The following NELL1 variants were observed in gnomAD, a reference collection of about 807,000 sequenced individuals.
NELL1 encodes protein kinase C-binding protein NELL1.
Under a neutral mutation model 107.4 loss-of-function variants are expected in NELL1, and 76 were observed. That is an observed-to-expected ratio of 0.71 (90% CI 0.59 to 0.86). The LOEUF is 0.86. NELL1 is among the 40% of genes least tolerant of loss of function. The probability of loss-of-function intolerance (pLI) is 0.00; values close to 1 mark genes in which losing one functional copy is unlikely to be tolerated. For missense variants in NELL1, 1,024 were observed against 1,005.5 expected, an observed-to-expected ratio of 1.02 and a Z score of -0.25; for synonymous variants, 353 against 341.2, an observed-to-expected ratio of 1.03 and a Z score of -0.38.
intron 2 of NELL1, among the ~76,000 whole-genome samples, chr11:20,755,540 G>GTTTTTT (rs1463795241): frequency 5.2e-5 from 1 of 19,146 alleles, no homozygotes; most frequent in African/African-American, 9.7e-5. Context: ...GTGGGTTTTT[G>GTTTTTT]TTTTTTTTTG....
intron 14 of NELL1, among the ~76,000 whole-genome samples, chr11:21,252,518 A>G (rs1858666030): frequency 6.6e-6 from 1 of 152,122 alleles, no homozygotes; most frequent in Non-Finnish European, 1.5e-5. Flanking sequence ...TCATCTGAAA[A>G]ATTATGGCAT....
intron 14 of NELL1, among the ~76,000 whole-genome samples, chr11:21,289,406 G>T (rs538148410): frequency 6.6e-6 from 1 of 152,180 alleles, no homozygotes; most frequent in Non-Finnish European, 1.5e-5. Flanking sequence ...GGAAGTGCAA[G>T]GGGTCAGGGA....
chr11:20,767,229 G>C (rs1202855478), intron 2 of NELL1, among the ~76,000 whole-genome samples: 2 of 152,186 alleles, frequency 1.3e-5, no homozygotes, highest in African/African-American at 4.8e-5. Context: ...AGAGTGAGCA[G>C]CAGCAAGATT....
At chr11:21,059,344 C>T (rs1326767028) in intron 12 of NELL1, among the ~76,000 whole-genome samples, 1 of 151,486 alleles carries the variant, frequency 6.6e-6, no homozygotes, top group Admixed American at 6.6e-5. Context: ...ACATTTGCTG[C>T]CTTTGCTGAC....
Position 21,113,727 on chromosome 11 carries a change from A to C in NELL1, c.1426+13A>C, listed in dbSNP as rs919830001. On this transcript the variant is annotated intron_variant, in intron 13 of 19. Coordinates refer to ENST00000357134, the MANE Select transcript of NELL1 (RefSeq NM_006157.5). The stretch of plus-strand genomic sequence containing the variant: ...TTCTCTTGTACAGGTGAGCTTTAAG[A>C]AGCAGTGTTGTTTTTTTAATTCATC... 2 of 1,608,550 alleles carry C rather than the reference A, an allele frequency of 1.2e-6. No homozygotes were observed. The highest frequency in any genetic ancestry group is 1.3e-5 in the African/African-American group (1 of 74,626).
intron 5 of NELL1, among the ~76,000 whole-genome samples, chr11:20,910,476 C>G (rs140693605): frequency 1.3e-5 from 2 of 152,168 alleles, no homozygotes; most frequent in African/African-American, 2.4e-5. Flanking sequence ...TCTCCATTTC[C>G]GGCCCCGCAC....
chr11:20,674,625 G>A (rs1854005382), intron 1 of NELL1: 1 of 1,080,690 alleles, frequency 9.3e-7, no homozygotes, highest in African/African-American at 1.6e-5. Flanking sequence ...CTTGATAAAT[G>A]AATGCTTTTC....
At chr11:20,714,194 A>AAT (rs1855181446) in intron 2 of NELL1, among the ~76,000 whole-genome samples, 1 of 61,736 alleles carries the variant, frequency 1.6e-5, no homozygotes, top group East Asian at 5.9e-4. Flanking sequence ...TATCTCCCCG[A>AAT]TTTTTTTTTT....
chr11:21,439,152 T>A (rs1224808522), intron 15 of NELL1, among the ~76,000 whole-genome samples: 1 of 151,476 alleles, frequency 6.6e-6, no homozygotes, highest in African/African-American at 2.4e-5. Context: ...TATAGACAAG[T>A]CAACTAAAAA....
At chr11:21,204,065 G>A (rs1292272513) in intron 13 of NELL1, among the ~76,000 whole-genome samples, 1 of 151,988 alleles carries the variant, frequency 6.6e-6, no homozygotes, top group Non-Finnish European at 1.5e-5. Context: ...TTTCATCCTT[G>A]GTGAATCTGA....
chr11:21,194,668 G>A (rs1010276281), intron 13 of NELL1, among the ~76,000 whole-genome samples: 2 of 152,010 alleles, frequency 1.3e-5, no homozygotes, highest in Non-Finnish European at 1.5e-5. Context: ...AAGACCTACC[G>A]AATCAGCAAC....
chr11:21,220,176 A>G (rs1255811093), intron 13 of NELL1, among the ~76,000 whole-genome samples: 1 of 152,168 alleles, frequency 6.6e-6, no homozygotes. Context: ...CTGTAAATAC[A>G]TGAATTTATT....
At chr11:20,807,987 CT>C (rs1564917197) in intron 3 of NELL1, among the ~76,000 whole-genome samples, 2 of 152,012 alleles carry the variant, frequency 1.3e-5, no homozygotes, top group African/African-American at 4.8e-5. Context: ...GAAATGCCAT[CT>C]AAGAGCCACA....
At chr11:21,342,100 T>C (rs1037268661) in intron 14 of NELL1, among the ~76,000 whole-genome samples, 1 of 152,194 alleles carries the variant, frequency 6.6e-6, no homozygotes, top group African/African-American at 2.4e-5. Flanking sequence ...GTGGAGTGCC[T>C]ACAGAAAGCC....
At chr11:21,259,054 G>C (rs1210896477) in intron 14 of NELL1, among the ~76,000 whole-genome samples, 1 of 151,862 alleles carries the variant, frequency 6.6e-6, no homozygotes, top group African/African-American at 2.4e-5. Context: ...GGTAAATTTT[G>C]TCTTTGACAA....
intron 15 of NELL1, among the ~76,000 whole-genome samples, chr11:21,478,063 C>A (rs1182954534): frequency 6.6e-6 from 1 of 151,888 alleles, no homozygotes; most frequent in African/African-American, 2.4e-5. Flanking sequence ...TGACTCAGTT[C>A]CTCATTGCTG....
chr11:20,918,223 A>G lies in NELL1; in HGVS notation c.645A>G (p.Gly215=), dbSNP rs371477483. 3.1e-6 allele frequency: 5 copies of G among 1,597,984 alleles called. No individual in the cohort carries two copies. Among genetic ancestry groups the G allele is most frequent in the African/African-American group, 2.7e-5 (2 of 74,280 alleles). The stretch of plus-strand genomic sequence containing the variant: ...GGAAGATCATCTTTATGCCGAATGG[A>G]TATATAACACAGTGTCCAAATCTAA... The part of the protein sequence containing the change: ...QDGKIIFMPN[G]YITQCPNLNH... Residue 215 remains glycine (G), a synonymous_variant, in exon 6 of 20, where the codon GGA becomes GGG. Transcript: ENST00000357134.
intron 15 of NELL1, among the ~76,000 whole-genome samples, chr11:21,442,566 G>T (rs1333064892): frequency 6.6e-6 from 1 of 151,988 alleles, no homozygotes; most frequent in East Asian, 1.9e-4. Flanking sequence ...TTAAATTTAG[G>T]GGGCATTTAG....
chr11:20,707,079 T>C (rs950295450), intron 2 of NELL1, among the ~76,000 whole-genome samples: 9 of 152,338 alleles, frequency 5.9e-5, no homozygotes, highest in Admixed American at 2.0e-4. Flanking sequence ...CTTTTTTCTC[T>C]AAACTTCTCT....
Sources: allele counts gnomAD v4.1 joint callset (sites outside exome capture counted in the v4.1 genomes callset), GRCh38; gene constraint gnomAD v4.1.1; transcripts MANE v1.5; gene names NCBI Gene and HGNC (gene_info 2026-07-23, HGNC 2026-07-21).